Variants in PRKG1 observed in about 807,000 individuals in gnomAD.
The protein encoded by PRKG1 is protein kinase cGMP-dependent 1.
PRKG1 carries 35 observed loss-of-function variants against 88.1 expected under a neutral mutation model. The ratio of observed to expected loss-of-function variants is 0.40; its 90% CI spans 0.30 to 0.53. The LOEUF is 0.53. PRKG1 is among the 20% of genes least tolerant of loss of function. PRKG1 has a pLI of 0.59. For missense variants in PRKG1, 540 were observed against 839.8 expected, an observed-to-expected ratio of 0.64 and a Z score of 4.41; for synonymous variants, 303 against 292.5, an observed-to-expected ratio of 1.04 and a Z score of -0.37.
Position 52,062,562 on chromosome 10 carries a change from C to T in PRKG1, c.866C>T (p.Pro289Leu), listed in dbSNP as rs549568221. 17 of 1,603,734 alleles carry T rather than the reference C, an allele frequency of 1.1e-5. No individual in the cohort carries two copies. Among genetic ancestry groups the T allele is most frequent in the Admixed American group, 3.5e-5 (2 of 57,394 alleles). ...GTAAATGTCACTCGTGAAGACTCACCGAGTGAAGACCCAGTCTTTCTTAGA... is the reference window on the plus strand; with the variant it reads ...GTAAATGTCACTCGTGAAGACTCACTGAGTGAAGACCCAGTCTTTCTTAGA... ...GTVNVTREDS[P>L]SEDPVFLRTL... The change falls in exon 7 of 18, where the codon CCG (proline) becomes CTG (leucine). Residue 289 changes from proline to leucine, a missense_variant. Coordinates refer to ENST00000373980, the MANE Select transcript of PRKG1 (RefSeq NM_006258.4).
chr10:52,199,722 C>T (rs1390130536), intron 9 of PRKG1, among the ~76,000 whole-genome samples: 1 of 152,106 alleles, frequency 6.6e-6, no homozygotes, highest in African/African-American at 2.4e-5. Flanking sequence ...ATTTCTCCCT[C>T]CAAATAAACG....
At chr10:51,604,732 C>T (rs1008904601) in intron 3 of PRKG1, among the ~76,000 whole-genome samples, 4 of 152,190 alleles carry the variant, frequency 2.6e-5, no homozygotes, top group African/African-American at 9.6e-5. Context: ...CTAGGGGGAG[C>T]ATGCAGACAG....
rs373815501 is a variant in PRKG1, at chr10:51,684,635, C to T, written c.593-119950C>T. Among the ~76,000 whole-genome samples the T allele has an allele frequency of 4.1e-4, 62 of 152,010 alleles. 1 individual carries two copies. The South Asian group carries it at 0.011, about 28-fold the overall frequency. On this transcript the variant is annotated intron_variant, in intron 3 of 17. Transcript: ENST00000373980. Reference sequence around the variant, plus strand: ...CTGTAATCCCAGCACTTTGGGAGGCCGGGGCAACAGATAGTTTGAGCTAAG... The same window carrying T: ...CTGTAATCCCAGCACTTTGGGAGGCTGGGGCAACAGATAGTTTGAGCTAAG...
At chr10:51,489,183 A>G (rs1840635897) in intron 3 of PRKG1, among the ~76,000 whole-genome samples, 1 of 152,180 alleles carries the variant, frequency 6.6e-6, no homozygotes, top group Admixed American at 6.6e-5. Flanking sequence ...TAACACAGCA[A>G]TTACAGCCCA....
chr10:52,207,459 C>G (rs1839849601), intron 9 of PRKG1, among the ~76,000 whole-genome samples: 1 of 152,186 alleles, frequency 6.6e-6, no homozygotes, highest in Admixed American at 6.5e-5. Context: ...CCCCATCCCA[C>G]AAGTAAGACC....
chr10:51,088,610 G>T (rs1307837170), intron 1 of PRKG1, among the ~76,000 whole-genome samples: 1 of 152,032 alleles, frequency 6.6e-6, no homozygotes, highest in African/African-American at 2.4e-5. Flanking sequence ...CCATTTCTCA[G>T]TGTTTGGGTT....
In PRKG1 at chr10:51,942,928, C is replaced by T. The variant is rs567472751; in HGVS notation, c.762+35358C>T. ...TTCTTTTGGCTTAGGATTGACTTGG[C>T]GATGCGGGCTCTGTTTTGGTTCCAT... On this transcript the variant is annotated intron_variant, in intron 5 of 17. Transcript: ENST00000373980. Among the ~76,000 whole-genome samples the T allele has an allele frequency of 2.7e-4, 41 of 151,486 alleles. 1 individual carries two copies. The highest frequency in any genetic ancestry group is 1.0e-3 in the Admixed American group (16 of 15,276).
chr10:51,220,033 G>A (rs112968003), intron 2 of PRKG1, among the ~76,000 whole-genome samples: 3,065 of 152,272 alleles, frequency 0.02, 40 homozygotes, highest in Middle Eastern at 0.048. Context: ...GCTCCTGGCA[G>A]AAAAGGAAGG....
At chr10:52,089,219 C>G (rs145846135) in intron 7 of PRKG1, among the ~76,000 whole-genome samples, 1 of 152,254 alleles carries the variant, frequency 6.6e-6, no homozygotes, top group Non-Finnish European at 1.5e-5. Context: ...AAAGGTTTCA[C>G]TTCAAAGGGC....
At chr10:51,495,243 C>T (rs1031520850) in intron 3 of PRKG1, among the ~76,000 whole-genome samples, 7 of 152,204 alleles carry the variant, frequency 4.6e-5, no homozygotes, top group Non-Finnish European at 5.9e-5. Flanking sequence ...TACAGGCGAG[C>T]GCCACCACAC....
intron 9 of PRKG1, among the ~76,000 whole-genome samples, chr10:52,169,513 G>A (rs150049205): frequency 1.1e-3 from 164 of 152,250 alleles, no homozygotes; most frequent in African/African-American, 3.7e-3. Context: ...GCACCATCAC[G>A]ATGGGGATTA....
At chr10:51,906,906 A>G in intron 4 of PRKG1, among the ~76,000 whole-genome samples, 1 of 152,188 alleles carries the variant, frequency 6.6e-6, no homozygotes. Flanking sequence ...GTGATTCTAT[A>G]CTAGAGTCAG....
intron 3 of PRKG1, among the ~76,000 whole-genome samples, chr10:51,596,788 C>T (rs949261686): frequency 6.6e-6 from 1 of 152,110 alleles, no homozygotes; most frequent in Non-Finnish European, 1.5e-5. Context: ...GTAAACACTA[C>T]CAGTTATTTT....
At chr10:52,207,473 C>G (rs1397162286) in intron 9 of PRKG1, among the ~76,000 whole-genome samples, 4 of 152,210 alleles carry the variant, frequency 2.6e-5, no homozygotes, top group African/African-American at 9.6e-5. Context: ...TAAGACCACC[C>G]TGCTTTCTTC....
At chr10:52,270,483 A>G (rs1016619121) in intron 10 of PRKG1, among the ~76,000 whole-genome samples, 4 of 152,088 alleles carry the variant, frequency 2.6e-5, no homozygotes, top group East Asian at 3.9e-4. Context: ...GTGTCCAACA[A>G]TGATAGACTG....
intron 5 of PRKG1, among the ~76,000 whole-genome samples, chr10:51,998,169 T>C (rs572014052): frequency 1.3e-5 from 2 of 152,340 alleles, no homozygotes; most frequent in South Asian, 4.1e-4. Context: ...TTTTTCCCTT[T>C]AATTGGTTAA....
At chr10:52,161,671 C>A (rs1318248412) in intron 8 of PRKG1, among the ~76,000 whole-genome samples, 1 of 152,054 alleles carries the variant, frequency 6.6e-6, no homozygotes, top group Non-Finnish European at 1.5e-5. Flanking sequence ...GTGTTGGCAA[C>A]TCTATTGGCA....
intron 1 of PRKG1, among the ~76,000 whole-genome samples, chr10:51,012,703 C>G (rs1186523492): frequency 1.3e-5 from 2 of 152,204 alleles, no homozygotes; most frequent in East Asian, 3.8e-4. Flanking sequence ...TCATTGGAGC[C>G]TGGTCTAGTA....
chr10:51,628,698 G>A (rs1321382001), intron 3 of PRKG1, among the ~76,000 whole-genome samples: 2 of 152,086 alleles, frequency 1.3e-5, no homozygotes, highest in East Asian at 1.9e-4. Context: ...GGTGGCTCAC[G>A]CCTGTAATCC....
Sources: allele counts gnomAD v4.1 joint callset (sites outside exome capture counted in the v4.1 genomes callset), GRCh38; gene constraint gnomAD v4.1.1; transcripts MANE v1.5; gene names NCBI Gene and HGNC (gene_info 2026-07-23, HGNC 2026-07-21).